Variants in MRPS10 observed in about 807,000 individuals in gnomAD.
MRPS10 encodes the protein small ribosomal subunit protein uS10m.
Under a neutral mutation model 27.5 loss-of-function variants are expected in MRPS10, and 23 were observed. The ratio of observed to expected loss-of-function variants is 0.84; its 90% confidence interval spans 0.60 to 1.18. The LOEUF (loss-of-function observed/expected upper bound fraction) is 1.18, where lower values mean the gene tolerates loss of function less well. Ranked by LOEUF, MRPS10 falls within the 50% of genes most tolerant of loss-of-function variation. The probability of loss-of-function intolerance (pLI) is 0.00; values close to 1 mark genes in which losing one functional copy is unlikely to be tolerated. For missense variants in MRPS10, 237 were observed against 240.1 expected (o/e 0.99, Z 0.09); for synonymous variants, 88 against 84.2 (o/e 1.04, Z -0.25).
rs555723524 is a variant in MRPS10 at position 42,209,465 on chromosome 6, T to C, written c.433-518A>G. Among the ~76,000 whole-genome samples, 156 of 152,082 alleles carry C rather than the reference T, an allele frequency of 1.0e-3. 1 individual carries two copies. The highest frequency in any genetic ancestry group is 3.6e-3 in the African/African-American group (151 of 41,516). On this transcript the variant is annotated intron_variant, in intron 5 of 6. Transcript: ENST00000053468. ...GGTTTTTCTTTTTAAGAGTAGGGAC[T>C]GCGCAGGCACAGTGGCTCACACCTG... is the stretch of plus-strand genomic sequence containing the variant.
chr6:42,207,490 G>C lies in MRPS10; in HGVS notation c.*799C>G, dbSNP rs1768640954. On this transcript the variant is annotated 3_prime_UTR_variant, in exon 7 of 7. Coordinates refer to ENST00000053468, the MANE Select transcript of MRPS10 (RefSeq NM_018141.4). ...CTGCCTCGGCCTCCCAAAATGCTGG[G>C]ATTACAGGCGTGAGCCACCGTGCCT... is the stretch of plus-strand genomic sequence containing the variant. The C allele has an allele frequency of 6.6e-6, 1 of 152,192 alleles. No individual in the cohort carries two copies. Among genetic ancestry groups the C allele is most frequent in the African/African-American group, 2.4e-5 (1 of 41,428 alleles). 9.4% of individuals were successfully genotyped at this position (152,192 alleles called of 1,614,324 possible).
chr6:42,208,724 T>C, intron 6 of MRPS10, 134 bp downstream of exon 6: 1 of 640,338 alleles, frequency 1.6e-6, no homozygotes, highest in South Asian at 2.0e-5. Flanking sequence ...CTGTGGCAAC[T>C]GTGTCTCCCA....
chr6:42,212,561 A>G lies in MRPS10; in HGVS notation c.187-644T>C, dbSNP rs7753813. ...AAATGATATGACACTGACTATACCT[A>G]TAACTTCAACCTCTTCCACCCTAAT... is the stretch of plus-strand genomic sequence containing the variant. On this transcript the variant is annotated intron_variant, in intron 3 of 6. Coordinates refer to ENST00000053468, the MANE Select transcript of MRPS10 (RefSeq NM_018141.4). Among the ~76,000 whole-genome samples, 845 of 152,350 alleles carry G rather than the reference A, an allele frequency of 5.5e-3. 10 individuals carry two copies. Among genetic ancestry groups the G allele is most frequent in the African/African-American group, 0.019 (787 of 41,586 alleles).
intron 1 of MRPS10, 81 bp from the exon 2 acceptor site, chr6:42,214,425 G>C (rs1174544091): frequency 3.2e-5 from 36 of 1,111,456 alleles, no homozygotes; most frequent in Non-Finnish European, 4.6e-5. Flanking sequence ...AAAACTAAAA[G>C]GTTACCTCAT....
rs566885167 is a variant in MRPS10 at position 42,207,943 on chromosome 6, G to A, written c.*346C>T. On this transcript the variant is annotated 3_prime_UTR_variant, in exon 7 of 7. Coordinates refer to ENST00000053468, the MANE Select transcript of MRPS10 (RefSeq NM_018141.4). ...AAAAATAAGGGTACGAACACTCCAA[G>A]CACTTATTTTCAGATGCATCAACTG... is the stretch of plus-strand genomic sequence containing the variant. 3.9e-6 allele frequency: 1 copy of A among 255,436 alleles called. No homozygotes were observed. Among genetic ancestry groups the A allele is most frequent in the African/African-American group, 2.3e-5 (1 of 42,926 alleles). The allele number at this position is 255,436 out of a possible 1,614,324, so 15.8% of individuals were successfully genotyped here.
rs992078294 is a variant in MRPS10 at position 42,211,890 on chromosome 6, A to G, written c.214T>C (p.Leu72=). ...ACCAAAACCGAGAGGCGCTTATATA[A>G]TATGTCTGGTTCATCAGAGATTGTT... is the stretch of plus-strand genomic sequence containing the variant. ...VVTISDEPDI[L]YKRLSVLVKG... The change falls in exon 4 of 7, where the codon TTA becomes CTA. Residue 72 remains leucine, a synonymous_variant. Transcript: ENST00000053468. The G allele has an allele frequency of 1.2e-6, 2 of 1,613,804 alleles. No individual in the cohort carries two copies. The highest frequency in any genetic ancestry group is 1.7e-6 in the Non-Finnish European group (2 of 1,179,928).
rs1347911837 is a variant in MRPS10 at position 42,207,411 on chromosome 6, G to A, written c.*878C>T. On this transcript the variant is annotated 3_prime_UTR_variant, in exon 7 of 7. Transcript: ENST00000053468. The stretch of plus-strand genomic sequence containing the variant: ...TAATTTTTGTATTTTTATTAGAGAC[G>A]GGGTTTCACCGTGTTAGCCAGGATG... 3.9e-5 allele frequency: 6 copies of A among 152,056 alleles called. No homozygotes were observed. The highest frequency in any genetic ancestry group is 1.9e-4 in the East Asian group (1 of 5,188). 9.4% of individuals were successfully genotyped at this position (152,056 alleles called of 1,614,324 possible).
chr6:42,207,856 A>T lies in MRPS10; in HGVS notation c.*433T>A, dbSNP rs914100491. On this transcript the variant is annotated 3_prime_UTR_variant, in exon 7 of 7. Coordinates refer to ENST00000053468, the MANE Select transcript of MRPS10 (RefSeq NM_018141.4). ...CATATGCCAGCCTGCACAAAGGTAAATAGCAAAAACTTTAACTGCTCAATC... is the reference window on the plus strand; with the variant it reads ...CATATGCCAGCCTGCACAAAGGTAATTAGCAAAAACTTTAACTGCTCAATC... The T allele has an allele frequency of 5.6e-6, 1 of 179,094 alleles. No homozygotes were observed. The highest frequency in any genetic ancestry group is 1.2e-5 in the Non-Finnish European group (1 of 86,922). 11.1% of individuals were successfully genotyped at this position (179,094 alleles called of 1,614,324 possible). A position where few individuals can be genotyped will look rare whatever the true frequency, so the allele number is the denominator to read the frequency against.
intron 1 of MRPS10, among the ~76,000 whole-genome samples, chr6:42,217,503 A>T (rs1168179520): frequency 6.6e-6 from 1 of 152,066 alleles, no homozygotes; most frequent in Non-Finnish European, 1.5e-5. Context: ...TCTGAGCCTC[A>T]GTTTATTTTG....
At chr6:42,217,688 G>T (rs1188932228) in intron 1 of MRPS10, 114 bp downstream of exon 1, 3 of 1,048,280 alleles carry the variant, frequency 2.9e-6, no homozygotes, top group African/African-American at 3.2e-5. Flanking sequence ...TAAACGGCGC[G>T]AGGTGAGGGA....
Position 42,208,004 on chromosome 6 carries a change from CA to C in MRPS10, c.*284del. The C allele has an allele frequency of 2.6e-6, 1 of 379,888 alleles. No homozygotes were observed. Among genetic ancestry groups the C allele is most frequent in the Non-Finnish European group, 4.7e-6 (1 of 213,500 alleles). The allele number at this position is 379,888 out of a possible 1,614,324, so 23.5% of individuals were successfully genotyped here. A position where few individuals can be genotyped will look rare whatever the true frequency, so the allele number is the denominator to read the frequency against. ...AAAATGGTACAAACTAATAATTGAA[CA>C]CCAGTAGCGTAACAAAATAGAATTT... On this transcript the variant is annotated 3_prime_UTR_variant, in exon 7 of 7. Coordinates refer to ENST00000053468, the MANE Select transcript of MRPS10 (RefSeq NM_018141.4).
Position 42,210,491 on chromosome 6 carries a change from T to G in MRPS10, c.429A>C (p.Leu143Phe). The change falls in exon 5 of 7, where the codon TTA becomes TTC. Residue 143 changes from leucine (L) to phenylalanine (F), a missense_variant. Coordinates refer to ENST00000053468, the MANE Select transcript of MRPS10 (RefSeq NM_018141.4). The stretch of plus-strand genomic sequence containing the variant: ...AGAATTTCTCAAATACACTCACCTC[T>G]AAACATCTGTAAAGTGTTCTCATTT... ...QYEMRTLYRC[L>F]ELEHLTGSTA... 6.9e-7 allele frequency: 1 copy of G among 1,441,386 alleles called. No individual in the cohort carries two copies. Among genetic ancestry groups the G allele is most frequent in the East Asian group, 2.4e-5 (1 of 41,270 alleles). 89.3% of individuals were successfully genotyped at this position (1,441,386 alleles called of 1,614,324 possible).
At chr6:42,214,846 A>G (rs950941722) in intron 1 of MRPS10, among the ~76,000 whole-genome samples, 10 of 152,312 alleles carry the variant, frequency 6.6e-5, no homozygotes, top group Middle Eastern at 3.4e-3. Context: ...TGGGATAACT[A>G]GCTTATAATG....
chr6:42,209,100 A>G (rs1480121715), intron 5 of MRPS10, among the ~76,000 whole-genome samples, 153 bp from the exon 6 acceptor site: 2 of 149,506 alleles, frequency 1.3e-5, no homozygotes, highest in African/African-American at 5.0e-5. Context: ...GGTTCAAGCC[A>G]TCTCCTGCTT....
intron 1 of MRPS10, among the ~76,000 whole-genome samples, chr6:42,216,385 A>AGAGTGTGTGTGT: frequency 1.9e-4 from 11 of 58,642 alleles, no homozygotes; most frequent in Non-Finnish European, 2.4e-4. Flanking sequence ...AGAGAGAGAG[A>AGAGTGTGTGTGT]GTGTGTGTGT....
chr6:42,211,671 C>G, intron 4 of MRPS10, 110 bp downstream of exon 4: 2 of 942,656 alleles, frequency 2.1e-6, no homozygotes, highest in South Asian at 3.8e-5. Context: ...GAGACTCTGT[C>G]TCAAAAAAAA....
chr6:42,215,731 T>G (rs1768906157), intron 1 of MRPS10, among the ~76,000 whole-genome samples: 2 of 152,166 alleles, frequency 1.3e-5, no homozygotes, highest in South Asian at 2.1e-4. Context: ...AGCCACGTTT[T>G]AAAAGCCTAT....
intron 1 of MRPS10, among the ~76,000 whole-genome samples, chr6:42,217,416 AT>A (rs1337506546): frequency 3.9e-5 from 6 of 152,136 alleles, no homozygotes; most frequent in Non-Finnish European, 8.8e-5. Flanking sequence ...AAGCATCTCA[AT>A]TTAGTTCCAT....
chr6:42,214,479 G>T, intron 1 of MRPS10, 135 bp from the exon 2 acceptor site: 6 of 480,330 alleles, frequency 1.2e-5, no homozygotes, highest in East Asian at 3.5e-5. Context: ...GGCCAAATTA[G>T]ATTGAAAAAA....
Sources: gnomAD v4.1 joint callset for allele counts (sites outside exome capture counted in the v4.1 genomes callset) on GRCh38, gnomAD v4.1.1 for gene constraint, MANE v1.5 for transcripts, NCBI Gene and HGNC (gene_info 2026-07-23, HGNC 2026-07-21) for gene names.